Variants in SULT4A1 observed in about 807,000 individuals in gnomAD.
The protein encoded by SULT4A1 is sulfotransferase family 4A member 1, also known as sulfotransferase 4A1.
In SULT4A1, 11 loss-of-function variants were observed where a neutral mutation model predicts 35.2. The ratio of observed to expected loss-of-function variants is 0.31; its 90% CI spans 0.20 to 0.52. The LOEUF (loss-of-function observed/expected upper bound fraction) is 0.52. Ranked by LOEUF, SULT4A1 falls within the 20% of genes least tolerant of loss-of-function variation. The pLI is 0.97. For missense variants in SULT4A1, 271 were observed against 383.7 expected (o/e 0.71, Z 2.45); for synonymous variants, 152 against 151.8 (o/e 1.00, Z -0.01).
At chr22:43,849,211 A>G (rs2063495381) in intron 1 of SULT4A1, among the ~76,000 whole-genome samples, 1 of 152,126 alleles carries the variant, frequency 6.6e-6, no homozygotes, top group African/African-American at 2.4e-5. Context: ...TGGCCTGGAA[A>G]CCACTAGGAC....
At chr22:43,828,942 G>T in intron 6 of SULT4A1, 118 bp downstream of exon 6, 2 of 1,156,706 alleles carry the variant, frequency 1.7e-6, no homozygotes, top group Non-Finnish European at 2.4e-6. Flanking sequence ...GCTACAGACT[G>T]CTGTAAAAGG....
intron 1 of SULT4A1, among the ~76,000 whole-genome samples, chr22:43,852,170 A>G (rs541877816): frequency 6.6e-6 from 1 of 152,224 alleles, no homozygotes; most frequent in African/African-American, 2.4e-5. Flanking sequence ...TCCCTGAGAA[A>G]CAGCAACAGC....
At chr22:43,834,348 A>T (rs35577904) in intron 4 of SULT4A1, among the ~76,000 whole-genome samples, 78 of 47,874 alleles carry the variant, frequency 1.6e-3, no homozygotes, top group South Asian at 5.6e-3. Context: ...CGCGGCCCTG[A>T]GCTTCCCGCG....
intron 6 of SULT4A1, among the ~76,000 whole-genome samples, chr22:43,828,528 G>C (rs1356193801): frequency 6.6e-6 from 1 of 152,230 alleles, no homozygotes; most frequent in Non-Finnish European, 1.5e-5. Context: ...CCACCCCGAA[G>C]TGGGGCTAGG....
Position 43,825,178 on chromosome 22 carries a change from G to A in SULT4A1, c.*823C>T, listed in dbSNP as rs1284219330. On this transcript the variant is annotated 3_prime_UTR_variant, in exon 7 of 7. Transcript: ENST00000330884. ...CTTCAGGAAACAAAGTAAGGCTGTG[G>A]AATTCAGCTCAAATTCCGAGCGCAA... The A allele has an allele frequency of 6.6e-6, 1 of 152,202 alleles. No homozygotes were observed. Among genetic ancestry groups the A allele is most frequent in the East Asian group, 1.9e-4 (1 of 5,192 alleles). 9.4% of individuals were successfully genotyped at this position (152,202 alleles called of 1,614,324 possible).
chr22:43,846,533 A>C (rs1287784867), intron 1 of SULT4A1, among the ~76,000 whole-genome samples: 1 of 152,196 alleles, frequency 6.6e-6, no homozygotes, highest in Non-Finnish European at 1.5e-5. Flanking sequence ...TGATCAAGGA[A>C]GACTTCCTGG....
chr22:43,835,266 A>C (rs1254238617), intron 4 of SULT4A1, among the ~76,000 whole-genome samples: 1 of 152,332 alleles, frequency 6.6e-6, no homozygotes, highest in East Asian at 1.9e-4. Flanking sequence ...TGTTCTTTAT[A>C]AAAGCTATGG....
At position 43,826,120 on chromosome 22, in the gene SULT4A1, C is replaced by G; in HGVS notation, c.743-7G>C. ...TTCCACAGCCCAACTCTTCCTGAAA[C>G]GCAAACAAGAGAACTGCTGGGGCCA... is the stretch of plus-strand genomic sequence containing the variant. On this transcript the variant is annotated splice_polypyrimidine_tract_variant and splice_region_variant and intron_variant, in intron 6 of 6. Coordinates refer to ENST00000330884, the MANE Select transcript of SULT4A1 (RefSeq NM_014351.4). 1 of 1,613,722 alleles carries G rather than the reference C, an allele frequency of 6.2e-7. No homozygotes were observed. Among genetic ancestry groups the G allele is most frequent in the African/African-American group, 1.3e-5 (1 of 75,024 alleles).
intron 1 of SULT4A1, among the ~76,000 whole-genome samples, chr22:43,861,843 C>T (rs558935248): frequency 3.0e-4 from 46 of 152,350 alleles, no homozygotes; most frequent in Admixed American, 1.4e-3. Flanking sequence ...GATTCAGGAA[C>T]AGAGAGGTTG....
chr22:43,826,528 T>TGG, intron 6 of SULT4A1: 1 of 985,370 alleles, frequency 1.0e-6, no homozygotes, highest in Non-Finnish European at 1.2e-6. Flanking sequence ...TGCACTGCTC[T>TGG]GGGCATCACA....
intron 1 of SULT4A1, among the ~76,000 whole-genome samples, chr22:43,859,154 T>C (rs2049437316): frequency 1.3e-5 from 2 of 152,174 alleles, no homozygotes; most frequent in African/African-American, 4.8e-5. Flanking sequence ...AACTAGGACA[T>C]CCATCTAGCC....
At chr22:43,833,820 T>G in intron 4 of SULT4A1, 86 bp from the exon 5 acceptor site, 1 of 1,132,842 alleles carries the variant, frequency 8.8e-7, no homozygotes, top group Non-Finnish European at 1.3e-6. Flanking sequence ...AGGGCTGCCC[T>G]CCTGCCACCC....
intron 4 of SULT4A1, among the ~76,000 whole-genome samples, chr22:43,836,535 GCAGGTGCCACAGGGA>G (rs1569503339): frequency 3.5e-5 from 5 of 141,030 alleles, no homozygotes; most frequent in African/African-American, 1.4e-4. Flanking sequence ...TCCTCACACT[GCAGGTGCCACAGGGA>G]TCCTGTCTAC....
At chr22:43,850,294 G>A (rs920970441) in intron 1 of SULT4A1, among the ~76,000 whole-genome samples, 1 of 152,204 alleles carries the variant, frequency 6.6e-6, no homozygotes, top group African/African-American at 2.4e-5. Context: ...CGAAAGATGA[G>A]GACTTAGCCA....
chr22:43,862,498 G>C lies in SULT4A1; in HGVS notation c.-116C>G. The C allele has an allele frequency of 1.1e-6, 1 of 927,376 alleles. No homozygotes were observed. Among genetic ancestry groups the C allele is most frequent in the Non-Finnish European group, 1.3e-6 (1 of 780,086 alleles). The allele number at this position is 927,376 out of a possible 1,614,324, so 57.4% of individuals were successfully genotyped here. On this transcript the variant is annotated 5_prime_UTR_variant, in exon 1 of 7. Transcript: ENST00000330884. Reference sequence around the variant, plus strand: ...CGCGCCCCACCGGCGCGCGGCGGCAGCTCCGCAGGCGTGACGTCATGGCGC... The same window carrying C: ...CGCGCCCCACCGGCGCGCGGCGGCACCTCCGCAGGCGTGACGTCATGGCGC...
intron 6 of SULT4A1, among the ~76,000 whole-genome samples, chr22:43,828,420 T>C (rs1166578207): frequency 6.6e-6 from 1 of 152,146 alleles, no homozygotes; most frequent in Non-Finnish European, 1.5e-5. Context: ...ACTGTCCCCA[T>C]CTCCAGCTGC....
intron 1 of SULT4A1, among the ~76,000 whole-genome samples, chr22:43,845,907 C>T (rs887764828): frequency 2.6e-5 from 4 of 152,200 alleles, no homozygotes; most frequent in African/African-American, 9.6e-5. Flanking sequence ...CCCCATCACC[C>T]ACCACCTGGG....
chr22:43,852,593 C>T (rs539491193), intron 1 of SULT4A1, among the ~76,000 whole-genome samples: 20 of 152,152 alleles, frequency 1.3e-4, no homozygotes, highest in Middle Eastern at 3.4e-3. Context: ...AGAATGCTCC[C>T]CACCTCCAAA....
At chr22:43,862,110 G>T in intron 1 of SULT4A1, 104 bp downstream of exon 1, 1 of 939,940 alleles carries the variant, frequency 1.1e-6, no homozygotes, top group Non-Finnish European at 1.4e-6. Flanking sequence ...GGCCAAGGGC[G>T]ACCACCCGGC....
Sources: allele counts gnomAD v4.1 joint callset (sites outside exome capture counted in the v4.1 genomes callset), GRCh38; gene constraint gnomAD v4.1.1; transcripts MANE v1.5; gene names NCBI Gene and HGNC (gene_info 2026-07-23, HGNC 2026-07-21).